The following ROBO2 variants were observed in gnomAD, a reference collection of about 807,000 sequenced individuals.
ROBO2 encodes roundabout homolog 2.
Under a neutral mutation model 160.8 loss-of-function variants are expected in ROBO2, and 53 were observed. The ratio of observed to expected loss-of-function variants is 0.33; its 90% CI spans 0.26 to 0.41. The LOEUF (loss-of-function observed/expected upper bound fraction) is 0.41, where lower values mean the gene tolerates loss of function less well. Ranked by LOEUF, ROBO2 falls within the 10% of genes least tolerant of loss-of-function variation. The pLI, the probability that ROBO2 is intolerant of heterozygous loss-of-function variation, is 1.00. For missense variants in ROBO2, 1,577 were observed against 1,722.4 expected (o/e 0.92, Z 1.49); for synonymous variants, 664 against 611.7 (o/e 1.09, Z -1.26).
chr3:76,704,670 C>T (rs1003206205), intron 2 of ROBO2, among the ~76,000 whole-genome samples: 1 of 152,092 alleles, frequency 6.6e-6, no homozygotes, highest in East Asian at 1.9e-4. Context: ...GGGCTCTGCA[C>T]ACTTGAAACT....
intron 2 of ROBO2, among the ~76,000 whole-genome samples, chr3:76,180,624 C>T (rs894743120): frequency 2.6e-5 from 4 of 152,162 alleles, no homozygotes; most frequent in Non-Finnish European, 1.5e-5. Context: ...AATATTCCTT[C>T]TATGCCTGCT....
intron 2 of ROBO2, among the ~76,000 whole-genome samples, chr3:77,187,620 C>A (rs1300095191): frequency 6.6e-6 from 1 of 151,808 alleles, no homozygotes; most frequent in Non-Finnish European, 1.5e-5. Flanking sequence ...ATGAGCAATG[C>A]TACATATTAG....
At chr3:76,740,147 T>C (rs1015611289) in intron 2 of ROBO2, among the ~76,000 whole-genome samples, 2 of 152,200 alleles carry the variant, frequency 1.3e-5, no homozygotes, top group Non-Finnish European at 2.9e-5. Context: ...GAGTTGTATA[T>C]GGCTTTATTG....
At chr3:76,775,447 GACA>G (rs2062185559) in intron 2 of ROBO2, among the ~76,000 whole-genome samples, 2 of 150,776 alleles carry the variant, frequency 1.3e-5, no homozygotes, top group South Asian at 4.1e-4. Context: ...TTACAGGATT[GACA>G]ACAAGTTACT....
At chr3:76,394,123 T>G (rs1416477113) in intron 2 of ROBO2, among the ~76,000 whole-genome samples, 4 of 152,304 alleles carry the variant, frequency 2.6e-5, no homozygotes, top group East Asian at 1.9e-4. Context: ...TTCGTCCATT[T>G]ACATTTAAAG....
intron 2 of ROBO2, among the ~76,000 whole-genome samples, chr3:76,337,303 C>A (rs2073955233): frequency 6.6e-6 from 1 of 152,144 alleles, no homozygotes; most frequent in South Asian, 2.1e-4. Context: ...ATACTAAAAA[C>A]TCTCCCCTGC....
rs765481177 is a variant in ROBO2 at position 77,602,394 on chromosome 3, C to T, written c.3039C>T (p.Val1013=). The change falls in exon 20 of 26, where the codon GTC becomes GTT. Residue 1013 remains valine (V), a synonymous_variant. Coordinates refer to ENST00000461745, the Ensembl canonical transcript of ROBO2. ...CCAACAGCATACATGAATTGGCTGT[C>T]GATCTGCCTGATCCACAATGGAAAA... The T allele has an allele frequency of 3.1e-6, 5 of 1,614,040 alleles. No individual in the cohort carries two copies. Among genetic ancestry groups the T allele is most frequent in the Admixed American group, 3.3e-5 (2 of 60,022 alleles).
In ROBO2 at chr3:77,639,489, G is replaced by A. The variant is rs201093690; in HGVS notation, c.3934+4446G>A. ...TGGGGAAGTCCTCACCAGGAAGTCA[G>A]CATTTCAGAAAAGACTGGAATAACA... On this transcript the variant is annotated intron_variant, in intron 24 of 25. Coordinates refer to ENST00000461745, the Ensembl canonical transcript of ROBO2. Among the ~76,000 whole-genome samples, 19 of 152,236 alleles carry A rather than the reference G, an allele frequency of 1.2e-4. No individual in the cohort carries two copies. In the East Asian group the frequency reaches 3.3e-3, roughly 26 times the overall value.
At position 76,414,020 on chromosome 3, in the gene ROBO2, T is replaced by C. The variant is rs556763874; in HGVS notation, c.109+476418T>C. Among the ~76,000 whole-genome samples the C allele has an allele frequency of 5.5e-4, 83 of 152,002 alleles. No individual in the cohort carries two copies. The South Asian group carries it at 0.014, about 25-fold the overall frequency. On this transcript the variant is annotated intron_variant, in intron 2 of 26. Transcript: ENST00000487694. ...CAGGAGGCAAAAGGCACTTCTTACC[T>C]GGTGGCAGCAAGAGAAAATGAGGAA...
intron 2 of ROBO2, among the ~76,000 whole-genome samples, chr3:76,153,304 A>T (rs2072278992): frequency 6.6e-6 from 1 of 152,182 alleles, no homozygotes; most frequent in African/African-American, 2.4e-5. Flanking sequence ...ATGAAATTCA[A>T]ACATTCTTCT....
At chr3:76,686,857 G>A (rs2092697223) in intron 2 of ROBO2, among the ~76,000 whole-genome samples, 1 of 152,038 alleles carries the variant, frequency 6.6e-6, no homozygotes, top group Non-Finnish European at 1.5e-5. Flanking sequence ...CTACAGCTAT[G>A]TCATTGCATT....
chr3:76,778,110 G>T (rs185853437), intron 2 of ROBO2, among the ~76,000 whole-genome samples: 1 of 151,088 alleles, frequency 6.6e-6, no homozygotes, highest in Non-Finnish European at 1.5e-5. Context: ...TCAGGATGTG[G>T]CCATTAAGAA....
At chr3:77,458,825 C>T (rs1360521734) in intron 2 of ROBO2, among the ~76,000 whole-genome samples, 1 of 151,946 alleles carries the variant, frequency 6.6e-6, no homozygotes, top group African/African-American at 2.4e-5. Context: ...GTAAAATATG[C>T]CTGTTATATC....
At chr3:77,026,778 T>C (rs1180681393) in intron 2 of ROBO2, among the ~76,000 whole-genome samples, 1 of 152,248 alleles carries the variant, frequency 6.6e-6, no homozygotes, top group Non-Finnish European at 1.5e-5. Flanking sequence ...TATCCTGGCA[T>C]ATAACAGCAC....
chr3:77,241,833 T>A (rs1194342092), intron 2 of ROBO2, among the ~76,000 whole-genome samples: 1 of 152,194 alleles, frequency 6.6e-6, no homozygotes, highest in East Asian at 1.9e-4. Context: ...GATCATCCAT[T>A]TGTATCAGTC....
chr3:76,528,091 T>C (rs1429962936), intron 2 of ROBO2, among the ~76,000 whole-genome samples: 1 of 152,162 alleles, frequency 6.6e-6, no homozygotes, highest in Non-Finnish European at 1.5e-5. Context: ...ATTTTATTTC[T>C]TCATTCTTAA....
At chr3:77,255,026 A>C (rs890748766) in intron 2 of ROBO2, among the ~76,000 whole-genome samples, 19 of 152,356 alleles carry the variant, frequency 1.2e-4, no homozygotes, top group African/African-American at 4.6e-4. Flanking sequence ...TGTTAAAAGG[A>C]AGAACTAGAG....
intron 2 of ROBO2, among the ~76,000 whole-genome samples, chr3:77,108,126 T>C (rs2073056331): frequency 6.6e-6 from 1 of 151,778 alleles, no homozygotes; most frequent in South Asian, 2.1e-4. Flanking sequence ...ATTGAATGAG[T>C]ATATTATACA....
At chr3:76,114,495 T>G (rs2070375487) in intron 2 of ROBO2, among the ~76,000 whole-genome samples, 1 of 152,134 alleles carries the variant, frequency 6.6e-6, no homozygotes, top group African/African-American at 2.4e-5. Context: ...AGAATGTCAA[T>G]ATTATTTATA....
Sources: allele counts gnomAD v4.1 joint callset (sites outside exome capture counted in the v4.1 genomes callset), GRCh38; gene constraint gnomAD v4.1.1; transcripts MANE v1.5; gene names NCBI Gene and HGNC (gene_info 2026-07-23, HGNC 2026-07-21).